CNBD1: variants seen among roughly 807,000 people sequenced by gnomAD.
CNBD1 encodes the protein cyclic nucleotide binding domain containing 1.
A neutral mutation model predicts 54.4 loss-of-function variants in CNBD1; 71 were observed. That is an observed-to-expected ratio of 1.30 (90% CI 1.08 to 1.59). The LOEUF is 1.59. Among genes scored for constraint, CNBD1 ranks in the 40% most tolerant of loss-of-function variants. The pLI, the probability that CNBD1 is intolerant of heterozygous loss-of-function variation, is 0.00. For synonymous variants in CNBD1, 182 were observed against 170.7 expected (o/e 1.07, Z -0.51); for missense variants, 659 against 518.0 (o/e 1.27, Z -2.64).
chr8:87,347,238 A>C (rs964604009), intron 8 of CNBD1, among the ~76,000 whole-genome samples: 5 of 152,170 alleles, frequency 3.3e-5, no homozygotes, highest in South Asian at 2.1e-4. Context: ...CAGAATTTTT[A>C]GGAGGACTAC....
intron 4 of CNBD1, among the ~76,000 whole-genome samples, chr8:87,039,717 G>A (rs1810025042): frequency 1.3e-5 from 2 of 152,168 alleles, no homozygotes; most frequent in South Asian, 2.1e-4. Flanking sequence ...TAGTCTCCTC[G>A]AGAATTTGGG....
Position 86,905,089 on chromosome 8 carries a change from T to A in CNBD1, c.167T>A (p.Met56Lys). The A allele has an allele frequency of 6.2e-7, 1 of 1,601,908 alleles. No individual in the cohort carries two copies. Among genetic ancestry groups the A allele is most frequent in the South Asian group, 1.1e-5 (1 of 90,044 alleles). The change falls in exon 3 of 11, where the codon ATG becomes AAG. Residue 56 changes from methionine (M) to lysine (K), a missense_variant. Transcript: ENST00000518476. ...TCTCTCTTCTTTTTAAGCCGGAGTA[T>A]GAGCAATATCTTATCAGCTCACGAT... ...CHIRGQHSRS[M>K]SNILSAHDTF... is the part of the protein sequence containing the mutation.
chr8:86,955,359 G>C (rs1434599170), intron 4 of CNBD1, among the ~76,000 whole-genome samples: 1 of 152,254 alleles, frequency 6.6e-6, no homozygotes, highest in Admixed American at 6.5e-5. Flanking sequence ...GTAATGGGAT[G>C]CCTGGGTCAA....
At chr8:86,943,530 TAATA>T (rs1234858250) in intron 4 of CNBD1, among the ~76,000 whole-genome samples, 1 of 151,760 alleles carries the variant, frequency 6.6e-6, no homozygotes, top group East Asian at 1.9e-4. Context: ...ATGGGAAAAA[TAATA>T]AATAATTTTG....
intron 2 of CNBD1, among the ~76,000 whole-genome samples, chr8:87,411,495 T>C (rs1276535124): frequency 6.8e-6 from 1 of 148,096 alleles, no homozygotes; most frequent in Non-Finnish European, 1.5e-5. Flanking sequence ...TTGCCAAAAG[T>C]TGTTGATTCA....
At chr8:87,225,640 G>A (rs1185563461) in intron 5 of CNBD1, among the ~76,000 whole-genome samples, 1 of 152,144 alleles carries the variant, frequency 6.6e-6, no homozygotes, top group South Asian at 2.1e-4. Context: ...GATTCGGTTT[G>A]CCAGTATGTT....
chr8:87,379,131 T>C (rs1811018412), intron 10 of CNBD1, among the ~76,000 whole-genome samples: 3 of 151,788 alleles, frequency 2.0e-5, no homozygotes, highest in Non-Finnish European at 4.4e-5. Flanking sequence ...CTTTTCCTAA[T>C]TGAATACCCT....
chr8:87,383,439 G>C (rs557095355), downstream of CNBD1, among the ~76,000 whole-genome samples: 91 of 152,216 alleles, frequency 6.0e-4, 1 homozygote, highest in South Asian at 0.011. Context: ...TATTATTTTA[G>C]AGATAAAGAA....
At chr8:86,914,255 G>C (rs1022005989) in intron 3 of CNBD1, among the ~76,000 whole-genome samples, 26 of 152,162 alleles carry the variant, frequency 1.7e-4, no homozygotes, top group African/African-American at 5.8e-4. Context: ...CAAGAGTATT[G>C]ATTGGGGAAG....
chr8:87,301,262 C>A (rs1293036130), intron 8 of CNBD1, among the ~76,000 whole-genome samples: 1 of 152,044 alleles, frequency 6.6e-6, no homozygotes, highest in African/African-American at 2.4e-5. Context: ...CAGAATTCTA[C>A]CAAACATTCA....
intron 3 of CNBD1, among the ~76,000 whole-genome samples, chr8:86,937,551 G>A (rs995462294): frequency 1.3e-5 from 2 of 152,164 alleles, no homozygotes; most frequent in Non-Finnish European, 2.9e-5. Context: ...TCTAGGCAGA[G>A]GTTCCCAAAC....
intron 4 of CNBD1, among the ~76,000 whole-genome samples, chr8:87,000,797 C>T (rs1201358798): frequency 6.6e-6 from 1 of 152,082 alleles, no homozygotes; most frequent in Non-Finnish European, 1.5e-5. Context: ...TTTGATGTCA[C>T]CCTAGCTATT....
At chr8:86,923,572 G>A (rs886267831) in intron 3 of CNBD1, among the ~76,000 whole-genome samples, 6 of 152,120 alleles carry the variant, frequency 3.9e-5, no homozygotes, top group East Asian at 1.9e-4. Flanking sequence ...CAGATTCCCC[G>A]CCCCCAGCCT....
At chr8:87,070,057 A>G (rs371514556) in intron 4 of CNBD1, among the ~76,000 whole-genome samples, 16 of 152,194 alleles carry the variant, frequency 1.1e-4, no homozygotes, top group East Asian at 3.9e-4. Flanking sequence ...AGAGTGTCAG[A>G]TAGCTGGATA....
At chr8:87,111,233 G>C (rs1036475812) in intron 4 of CNBD1, among the ~76,000 whole-genome samples, 1 of 152,162 alleles carries the variant, frequency 6.6e-6, no homozygotes, top group South Asian at 2.1e-4. Context: ...TCTGACAGCT[G>C]TTAAGTATGT....
At chr8:87,411,013 G>T (rs1385240229) in intron 2 of CNBD1, among the ~76,000 whole-genome samples, 1 of 151,984 alleles carries the variant, frequency 6.6e-6, no homozygotes, top group Admixed American at 6.6e-5. Flanking sequence ...TCTATACACT[G>T]CAGTATTGTT....
chr8:87,186,752 A>C (rs1813483579), intron 4 of CNBD1, among the ~76,000 whole-genome samples: 1 of 151,724 alleles, frequency 6.6e-6, no homozygotes, highest in African/African-American at 2.4e-5. Context: ...TTATTATTGA[A>C]ATATATAGTG....
intron 4 of CNBD1, among the ~76,000 whole-genome samples, chr8:87,082,500 G>A (rs1442325370): frequency 6.6e-6 from 1 of 152,068 alleles, no homozygotes; most frequent in Non-Finnish European, 1.5e-5. Context: ...AATATTCCTT[G>A]TTTTGTTGTC....
intron 4 of CNBD1, among the ~76,000 whole-genome samples, chr8:86,980,003 G>A (rs1808445753): frequency 6.6e-6 from 1 of 152,192 alleles, no homozygotes; most frequent in African/African-American, 2.4e-5. Context: ...GCTAATTTAA[G>A]TGATTTTGTT....
Sources: gnomAD v4.1 joint callset for allele counts (sites outside exome capture counted in the v4.1 genomes callset) on GRCh38, gnomAD v4.1.1 for gene constraint, MANE v1.5 for transcripts, NCBI Gene and HGNC (gene_info 2026-07-23, HGNC 2026-07-21) for gene names.